FUT1: variants seen among roughly 807,000 people sequenced by gnomAD.
The protein encoded by FUT1 is fucosyltransferase 1 (H blood group).
For missense variants in FUT1, 476 were observed against 492.7 expected, an observed-to-expected ratio of 0.97 and a Z score of 0.32; for synonymous variants, 215 against 208.7, an observed-to-expected ratio of 1.03 and a Z score of -0.26.
In FUT1 at chr19:48,750,603, C is replaced by G. The variant is rs2033981879; in HGVS notation, c.679G>C (p.Val227Leu). ...VHVRRGDYLQ[V>L]MPQRWKGVVG... ...ACACCCTTCCAGCGCTGAGGCATAA[C>G]CTGCAGATAGTCCCCACGGCGCACG... Residue 227 changes from valine (V) to leucine (L), a missense_variant, in exon 2 of 2, where the codon GTT becomes CTT. Val to Leu is a conservative substitution (Grantham distance 32, BLOSUM62 1). Coordinates refer to ENST00000645652, the MANE Select transcript of FUT1 (RefSeq NM_001384359.1). The G allele has an allele frequency of 6.2e-7, 1 of 1,611,360 alleles. No homozygotes were observed.
chr19:48,750,125 G>T lies in FUT1; in HGVS notation c.*59C>A. ...CTTCTCCAGAAGATGCCAGGCCTCT[G>T]AAGCCACGTACTGCTGGCTCTAGAA... On this transcript the variant is annotated 3_prime_UTR_variant, in exon 2 of 2. Coordinates refer to ENST00000645652, the MANE Select transcript of FUT1 (RefSeq NM_001384359.1). 6.4e-7 allele frequency: 1 copy of T among 1,573,886 alleles called. No homozygotes were observed. The highest frequency in any genetic ancestry group is 8.6e-7 in the Non-Finnish European group (1 of 1,162,604).
upstream of FUT1, among the ~76,000 whole-genome samples, chr19:48,754,185 C>CAAA (rs4002472): frequency 7.5e-3 from 555 of 73,518 alleles, 9 homozygotes; most frequent in Admixed American, 0.044. Flanking sequence ...GACTCCGCCT[C>CAAA]AAAAAAAAAA....
chr19:48,753,403 G>C (rs894972515), upstream of FUT1: 3 of 152,382 alleles, frequency 2.0e-5, no homozygotes, highest in African/African-American at 7.2e-5. Flanking sequence ...GTCAGCGGGG[G>C]CCGTGGCTGC....
At position 48,751,018 on chromosome 19, in the gene FUT1, C is replaced by G. The variant is rs755795178; in HGVS notation, c.264G>C (p.Arg88=). ...SGTWTVYPNG[R]FGNQMGQYAT... The stretch of plus-strand genomic sequence containing the variant: ...CATACTGTCCCATCTGATTACCAAA[C>G]CGGCCATTGGGGTAGACAGTCCAGG... Residue 88 remains arginine, a synonymous_variant, in exon 2 of 2, where the codon CGG becomes CGC. Transcript: ENST00000645652. The G allele has an allele frequency of 6.3e-7, 1 of 1,590,396 alleles. No individual in the cohort carries two copies. Among genetic ancestry groups the G allele is most frequent in the South Asian group, 1.1e-5 (1 of 87,156 alleles).
chr19:48,753,354 G>C (rs1367009616), upstream of FUT1: 1 of 152,406 alleles, frequency 6.6e-6, no homozygotes. Context: ...CCATTCCAAG[G>C]CTGGAGACCG....
upstream of FUT1, chr19:48,755,334 C>A: frequency 6.5e-6 from 1 of 153,166 alleles, no homozygotes; most frequent in South Asian, 1.9e-4. Flanking sequence ...ACCTGTCTTC[C>A]CTCTGGGTGC....
chr19:48,752,349 G>T lies in FUT1; in HGVS notation c.-3+141C>A. On this transcript the variant is annotated intron_variant, in intron 1 of 1. Transcript: ENST00000645652. This position sits in a 1 kb window ranked among gnomAD's most constrained non-coding sequence, Gnocchi z 4.3. ...GAGCGGAAGGAGCATCTTGGTTCCT[G>T]GAGGAGTAATGGCTGGGGAGGTGGC... 3.1e-6 allele frequency: 1 copy of T among 318,352 alleles called. No homozygotes were observed. Among genetic ancestry groups the T allele is most frequent in the Non-Finnish European group, 4.5e-6 (1 of 220,010 alleles). 19.7% of individuals were successfully genotyped at this position (318,352 alleles called of 1,614,324 possible).
rs796617072 is a variant in FUT1, at chr19:48,750,489, T to C, written c.793A>G (p.Met265Val). 6.2e-7 allele frequency: 1 copy of C among 1,614,108 alleles called. No homozygotes were observed. The highest frequency in any genetic ancestry group is 8.5e-7 in the Non-Finnish European group (1 of 1,180,040). Residue 265 changes from methionine to valine, a missense_variant, in exon 2 of 2, where the codon ATG becomes GTG. Met to Val is a conservative substitution (Grantham distance 21). Coordinates refer to ENST00000645652, the MANE Select transcript of FUT1 (RefSeq NM_001384359.1). ...APVFVVTSNG[M>V]EWCKENIDTS... ...TCGATGTTTTCTTTACACCACTCCA[T>C]GCCGTTGCTGGTGACCACGAAAACG...
In FUT1 at chr19:48,750,176, C is replaced by T. The variant is rs779793220; in HGVS notation, c.*8G>A. 6.2e-7 allele frequency: 1 copy of T among 1,605,356 alleles called. No homozygotes were observed. The highest frequency in any genetic ancestry group is 8.5e-7 in the Non-Finnish European group (1 of 1,176,082). On this transcript the variant is annotated 3_prime_UTR_variant, in exon 2 of 2. Coordinates refer to ENST00000645652, the MANE Select transcript of FUT1 (RefSeq NM_001384359.1). ...AGATCAGGCTACTTCAGAAAGTCTC[C>T]CTGGCTCTCAAGGCTTAGCCAATGT...
chr19:48,751,258 C>A lies in FUT1; in HGVS notation c.24G>T (p.Gln8His), dbSNP rs755388003. Residue 8 changes from glutamine to histidine, a missense_variant, in exon 2 of 2, where the codon CAG becomes CAT. Coordinates refer to ENST00000645652, the MANE Select transcript of FUT1 (RefSeq NM_001384359.1). MWLRSHR[Q>H]LCLAFLLVCV... is the part of the protein sequence containing the mutation. ...AGACTAGCAGGAAGGCCAGGCAGAG[C>A]TGACGATGGCTCCGGAGCCACATGG... is the stretch of plus-strand genomic sequence containing the variant. The A allele has an allele frequency of 1.5e-5, 25 of 1,613,570 alleles. No individual in the cohort carries two copies. The highest frequency in any genetic ancestry group is 2.0e-5 in the Non-Finnish European group (24 of 1,179,520).
At position 48,748,994 on chromosome 19, in the gene FUT1, T is replaced by C. The variant is rs2033949801; in HGVS notation, c.*1190A>G. 6.6e-6 allele frequency: 1 copy of C among 151,848 alleles called. No individual in the cohort carries two copies. Among genetic ancestry groups the C allele is most frequent in the Non-Finnish European group, 1.5e-5 (1 of 67,968 alleles). 9.4% of individuals were successfully genotyped at this position (151,848 alleles called of 1,614,324 possible). A position where few individuals can be genotyped will look rare whatever the true frequency, so the allele number is the denominator to read the frequency against. Reference sequence around the variant, plus strand: ...TCACAAGACCTCGTCTCTACAAAAATTAAAAAAAATTATCCGGGCCAGGCA... The same window carrying C: ...TCACAAGACCTCGTCTCTACAAAAACTAAAAAAAATTATCCGGGCCAGGCA... On this transcript the variant is annotated 3_prime_UTR_variant, in exon 2 of 2. Coordinates refer to ENST00000645652, the MANE Select transcript of FUT1 (RefSeq NM_001384359.1).
chr19:48,750,302 T>G lies in FUT1; in HGVS notation c.980A>C (p.Asn327Thr), dbSNP rs777291875. 1.2e-6 allele frequency: 2 copies of G among 1,614,170 alleles called. No individual in the cohort carries two copies. The highest frequency in any genetic ancestry group is 4.5e-5 in the East Asian group (2 of 44,880). ...GAACTCAGAGTCTGGCAGGGTGAAG[T>G]TGGCCAGGTAGACAGTGTCTCCGCC... The part of the protein sequence containing the change: ...LAGGDTVYLA[N>T]FTLPDSEFLK... Residue 327 changes from asparagine (N) to threonine (T), a missense_variant, in exon 2 of 2, where the codon AAC (asparagine) becomes ACC (threonine). Asn to Thr is a moderately conservative substitution (Grantham distance 65). Coordinates refer to ENST00000645652, the MANE Select transcript of FUT1 (RefSeq NM_001384359.1).
upstream of FUT1, among the ~76,000 whole-genome samples, chr19:48,754,936 T>C (rs1485885506): frequency 6.6e-6 from 1 of 151,706 alleles, no homozygotes; most frequent in Non-Finnish European, 1.5e-5. Context: ...CAGACCCTCC[T>C]CCCTCAGACT....
In FUT1 at chr19:48,751,262, C is replaced by G. The variant is rs150995632; in HGVS notation, c.20G>C (p.Arg7Pro). 271 of 1,613,898 alleles carry G rather than the reference C, an allele frequency of 1.7e-4. 1 individual carries two copies. In the African/African-American group the frequency reaches 3.3e-3, roughly 19 times the overall value. ...TAGCAGGAAGGCCAGGCAGAGCTGACGATGGCTCCGGAGCCACATGGCTGC... is the reference window on the plus strand; with the variant it reads ...TAGCAGGAAGGCCAGGCAGAGCTGAGGATGGCTCCGGAGCCACATGGCTGC... MWLRSHRQLCLAFLLVC... is the reference protein window; with the variant it reads MWLRSHPQLCLAFLLVC... The change falls in exon 2 of 2, where the codon CGT becomes CCT. Residue 7 changes from arginine (R) to proline (P), a missense_variant. Arg to Pro is a moderately radical substitution (Grantham distance 103). Transcript: ENST00000645652.
chr19:48,748,820 C>T lies in FUT1; in HGVS notation c.*1364G>A, dbSNP rs1173351262. The stretch of plus-strand genomic sequence containing the variant: ...CTCAATTTTTCCAGCAATGGTGGAA[C>T]ATTCATTAGATGCTACAATTAGGTT... On this transcript the variant is annotated 3_prime_UTR_variant, in exon 2 of 2. Coordinates refer to ENST00000645652, the MANE Select transcript of FUT1 (RefSeq NM_001384359.1). 6.6e-6 allele frequency: 1 copy of T among 152,134 alleles called. No homozygotes were observed. The highest frequency in any genetic ancestry group is 2.4e-5 in the African/African-American group (1 of 41,410). 9.4% of individuals were successfully genotyped at this position (152,134 alleles called of 1,614,324 possible). A position where few individuals can be genotyped will look rare whatever the true frequency, so the allele number is the denominator to read the frequency against.
At chr19:48,755,064 TCC>T (rs2034068117), upstream of FUT1, among the ~76,000 whole-genome samples, 1 of 124,422 alleles carries the variant, frequency 8.0e-6, no homozygotes, top group Non-Finnish European at 1.6e-5. Flanking sequence ...CACCCACGAG[TCC>T]AGATCCCTAG....
upstream of FUT1, chr19:48,752,753 T>G: frequency 2.0e-6 from 2 of 985,192 alleles, no homozygotes; most frequent in Non-Finnish European, 2.4e-6. The surrounding 1 kb of genome is among the most constrained non-coding windows in gnomAD (Gnocchi z 4.3). Flanking sequence ...GCCCGTCACT[T>G]GGCGCCGAGC....
Position 48,749,946 on chromosome 19 carries a change from G to A in FUT1, c.*238C>T. 1.8e-6 allele frequency: 1 copy of A among 571,214 alleles called. No homozygotes were observed. The highest frequency in any genetic ancestry group is 3.1e-5 in the East Asian group (1 of 32,466). 35.4% of individuals were successfully genotyped at this position (571,214 alleles called of 1,614,324 possible). ...GGGCTGGGAAGAGCAGGTGGGCACT[G>A]TGGCTTCTAGAACTGCCTGCCAGCC... is the stretch of plus-strand genomic sequence containing the variant. On this transcript the variant is annotated 3_prime_UTR_variant, in exon 2 of 2. Coordinates refer to ENST00000645652, the MANE Select transcript of FUT1 (RefSeq NM_001384359.1).
At position 48,752,560 on chromosome 19, in the gene FUT1, G is replaced by T; in HGVS notation, c.-73C>A. 1 of 985,512 alleles carries T rather than the reference G, an allele frequency of 1.0e-6. No individual in the cohort carries two copies. Among genetic ancestry groups the T allele is most frequent in the Non-Finnish European group, 1.2e-6 (1 of 829,952 alleles). 61.0% of individuals were successfully genotyped at this position (985,512 alleles called of 1,614,324 possible). On this transcript the variant is annotated 5_prime_UTR_variant, in exon 1 of 2. Transcript: ENST00000645652. This position sits in a 1 kb window ranked among gnomAD's most constrained non-coding sequence, Gnocchi z 4.3. ...CGGAGCGCACCCTCCGCAAAGGCAG[G>T]CCACATCCGGCCGCCCCTGGAACGC... is the stretch of plus-strand genomic sequence containing the variant.
Sources: gnomAD v4.1 joint callset for allele counts (sites outside exome capture counted in the v4.1 genomes callset) on GRCh38, gnomAD v4.1.1 for gene constraint, Gnocchi (gnomAD v3.1) non-coding constraint, MANE v1.5 for transcripts, NCBI Gene and HGNC (gene_info 2026-07-23, HGNC 2026-07-21) for gene names.